RARS2: variants seen among roughly 807,000 people sequenced by gnomAD.
RARS2 encodes the protein probable arginine--tRNA ligase, mitochondrial.
RARS2 carries 67 observed loss-of-function variants against 88.5 expected under a neutral mutation model. The ratio of observed to expected loss-of-function variants is 0.76; its 90% CI spans 0.62 to 0.93. The LOEUF (loss-of-function observed/expected upper bound fraction) is 0.93, where lower values mean the gene tolerates loss of function less well. RARS2 is among the 40% of genes least tolerant of loss of function. The pLI is 0.00. For missense variants in RARS2, 664 were observed against 684.2 expected (o/e 0.97, Z 0.33); for synonymous variants, 239 against 230.3 (o/e 1.04, Z -0.34).
intron 7 of RARS2, among the ~76,000 whole-genome samples, chr6:87,543,589 T>A (rs1173383759): frequency 6.6e-6 from 1 of 150,892 alleles, no homozygotes; most frequent in Non-Finnish European, 1.5e-5. Flanking sequence ...TGCAGCGAGC[T>A]GAGATGGTGC....
chr6:87,544,064 A>T (rs117742962), intron 7 of RARS2, among the ~76,000 whole-genome samples: 9 of 152,258 alleles, frequency 5.9e-5, no homozygotes, highest in Non-Finnish European at 1.3e-4. Flanking sequence ...ATGCTGACAG[A>T]TCATTAACCA....
At chr6:87,545,232 TGC>T (rs1782250260) in intron 7 of RARS2, among the ~76,000 whole-genome samples, 1 of 152,174 alleles carries the variant, frequency 6.6e-6, no homozygotes, top group Non-Finnish European at 1.5e-5. Flanking sequence ...TACAAGGGCA[TGC>T]CACCATGTCT....
chr6:87,585,276 G>A (rs1451992345), intron 1 of RARS2, among the ~76,000 whole-genome samples: 1 of 152,190 alleles, frequency 6.6e-6, no homozygotes, highest in Non-Finnish European at 1.5e-5. Context: ...GAGGAAATAA[G>A]AGTGAATAAG....
chr6:87,578,107 A>AC (rs796269641), intron 1 of RARS2, among the ~76,000 whole-genome samples: 6,409 of 133,200 alleles, frequency 0.048, 195 homozygotes, highest in African/African-American at 0.066. Context: ...ACATAGCGAG[A>AC]CCCCCCCCCC....
chr6:87,537,215 A>G (rs765305440), intron 8 of RARS2, among the ~76,000 whole-genome samples: 1 of 152,248 alleles, frequency 6.6e-6, no homozygotes, highest in Non-Finnish European at 1.5e-5. Flanking sequence ...AGAAGGTTGA[A>G]AGTGCCAAAA....
At chr6:87,573,383 C>T (rs1051070186) in intron 1 of RARS2, among the ~76,000 whole-genome samples, 5 of 152,140 alleles carry the variant, frequency 3.3e-5, no homozygotes, top group African/African-American at 9.7e-5. Context: ...TCACCAGGCC[C>T]CACCTCCAAC....
chr6:87,565,023 A>G (rs1329684407), intron 2 of RARS2, among the ~76,000 whole-genome samples: 1 of 152,158 alleles, frequency 6.6e-6, no homozygotes, highest in Admixed American at 6.5e-5. Flanking sequence ...ATGCCACTGC[A>G]CTCCAGTCTG....
At chr6:87,523,818 AC>A (rs1236232465) in intron 11 of RARS2, among the ~76,000 whole-genome samples, 1 of 152,218 alleles carries the variant, frequency 6.6e-6, no homozygotes, top group Non-Finnish European at 1.5e-5. Context: ...ATTAGTTGAT[AC>A]AAAAAACTTT....
intron 14 of RARS2, chr6:87,519,131 G>A (rs1428590880): frequency 2.3e-6 from 1 of 435,210 alleles, no homozygotes; most frequent in Non-Finnish European, 4.2e-6. Context: ...AATAAATTTG[G>A]ATTTCTGATT....
At chr6:87,579,228 TG>T (rs1772609929) in intron 1 of RARS2, among the ~76,000 whole-genome samples, 1 of 152,118 alleles carries the variant, frequency 6.6e-6, no homozygotes, top group South Asian at 2.1e-4. Flanking sequence ...TTGCCGTATA[TG>T]GGAATGACCA....
intron 3 of RARS2, among the ~76,000 whole-genome samples, chr6:87,563,380 T>A (rs1301627418): frequency 1.3e-5 from 2 of 152,330 alleles, no homozygotes; most frequent in East Asian, 3.9e-4. Context: ...GTATTTTGAA[T>A]AATTCTATTC....
chr6:87,565,086 C>T (rs1582735418), intron 2 of RARS2, among the ~76,000 whole-genome samples: 1 of 152,086 alleles, frequency 6.6e-6, no homozygotes, highest in Non-Finnish European at 1.5e-5. Context: ...TACTAGCCAC[C>T]TTATTTTATA....
At chr6:87,522,508 C>G (rs1392044766) in intron 11 of RARS2, among the ~76,000 whole-genome samples, 3 of 151,894 alleles carry the variant, frequency 2.0e-5, no homozygotes, top group Non-Finnish European at 2.9e-5. Context: ...AAAATTAGAG[C>G]TATTTTTGAT....
At chr6:87,538,822 C>T (rs1275950141) in intron 8 of RARS2, among the ~76,000 whole-genome samples, 1 of 151,972 alleles carries the variant, frequency 6.6e-6, no homozygotes, top group Non-Finnish European at 1.5e-5. Flanking sequence ...CTGTTTGAGC[C>T]CAAGAGTTTG....
At position 87,541,969 on chromosome 6, in the gene RARS2, C is replaced by T; in HGVS notation, c.561G>A (p.Leu187=). 2 of 1,613,528 alleles carry T rather than the reference C, an allele frequency of 1.2e-6. No homozygotes were observed. The highest frequency in any genetic ancestry group is 1.1e-5 in the South Asian group (1 of 91,072). The change falls in exon 8 of 20, where the codon CTG becomes CTA. Residue 187 remains leucine (L), a synonymous_variant. Transcript: ENST00000369536. ...ACTGCAGTTTTTCCTCATAGCCAAA[C>T]AGCTGGAAGCCAGTTCCCAGAAGAC... ...QFGLLGTGFQ[L]FGYEEKLQSN... is the part of the protein sequence containing the mutation.
intron 1 of RARS2, among the ~76,000 whole-genome samples, chr6:87,581,805 A>G (rs767430777): frequency 9.2e-5 from 14 of 151,932 alleles, no homozygotes; most frequent in Non-Finnish European, 1.6e-4. Context: ...CCCCATGGCC[A>G]TGTGTTCTCA....
intron 1 of RARS2, among the ~76,000 whole-genome samples, chr6:87,572,301 TCTC>T (rs1435529317): frequency 2.6e-5 from 4 of 152,158 alleles, no homozygotes; most frequent in Non-Finnish European, 4.4e-5. Flanking sequence ...AATATTTCCT[TCTC>T]CTTTTAAAAA....
At chr6:87,564,656 C>T (rs981809905) in intron 2 of RARS2, 8 of 262,158 alleles carry the variant, frequency 3.1e-5, no homozygotes, top group African/African-American at 7.1e-5. Flanking sequence ...GTGACAAGAG[C>T]GAAACTCTGT....
At chr6:87,585,825 A>G (rs568517388) in intron 1 of RARS2, among the ~76,000 whole-genome samples, 179 of 152,344 alleles carry the variant, frequency 1.2e-3, no homozygotes, top group Non-Finnish European at 1.9e-3. Context: ...GACAGAATAC[A>G]GTATAAATAA....
Sources: gnomAD v4.1 joint callset for allele counts (sites outside exome capture counted in the v4.1 genomes callset) on GRCh38, gnomAD v4.1.1 for gene constraint, MANE v1.5 for transcripts, NCBI Gene and HGNC (gene_info 2026-07-23, HGNC 2026-07-21) for gene names.